The following CA10 variants were observed in gnomAD, a reference collection of about 807,000 sequenced individuals.
CA10 encodes the protein carbonic anhydrase 10 (inactive), also known as carbonic anhydrase-related protein 10.
CA10 carries 14 observed loss-of-function variants against 44.2 expected under a neutral mutation model. The observed-to-expected ratio is 0.32, with a 90% CI of 0.21 to 0.50. The LOEUF (loss-of-function observed/expected upper bound fraction) is 0.50. Among genes scored for constraint, CA10 ranks in the 20% least tolerant of loss-of-function variants. The probability of loss-of-function intolerance (pLI) is 0.99; values close to 1 mark genes in which losing one functional copy is unlikely to be tolerated. For synonymous variants in CA10, 159 were observed against 141.6 expected (o/e 1.12, Z -0.87); for missense variants, 350 against 409.7 (o/e 0.85, Z 1.26).
intron 6 of CA10, among the ~76,000 whole-genome samples, chr17:51,646,360 C>T (rs572887213): frequency 1.3e-5 from 2 of 152,226 alleles, no homozygotes; most frequent in Admixed American, 6.5e-5. Context: ...GGGCTCAGCA[C>T]GTTGCAGAGT....
intron 1 of CA10, among the ~76,000 whole-genome samples, chr17:52,116,714 T>C (rs1417185816): frequency 6.6e-6 from 1 of 152,212 alleles, no homozygotes; most frequent in Non-Finnish European, 1.5e-5. Flanking sequence ...GGCTTGGAGT[T>C]GAGCTCAGGG....
At chr17:51,699,999 T>TGAAGGTAAAG (rs112602632) in intron 4 of CA10, among the ~76,000 whole-genome samples, 1,936 of 152,304 alleles carry the variant, frequency 0.013, 56 homozygotes, top group African/African-American at 0.045. Context: ...ACATCAGAGA[T>TGAAGGTAAAG]GAAGGGAGAA....
chr17:51,665,834 A>G (rs1914186336), intron 4 of CA10, among the ~76,000 whole-genome samples: 1 of 152,252 alleles, frequency 6.6e-6, no homozygotes, highest in African/African-American at 2.4e-5. Flanking sequence ...GTTAGGTGGT[A>G]TGTGACTGTA....
chr17:52,050,253 T>A (rs1395162078), intron 2 of CA10, among the ~76,000 whole-genome samples: 2 of 151,780 alleles, frequency 1.3e-5, no homozygotes, highest in Non-Finnish European at 2.9e-5. Flanking sequence ...TCGTTGCTTT[T>A]TTTTCCCCCA....
chr17:51,813,768 G>C (rs1472149918), intron 3 of CA10, among the ~76,000 whole-genome samples: 1 of 152,116 alleles, frequency 6.6e-6, no homozygotes, highest in Non-Finnish European at 1.5e-5. Context: ...GGATATACCG[G>C]CTTTTCCAAC....
At chr17:51,970,477 A>AT (rs1240904776) in intron 2 of CA10, among the ~76,000 whole-genome samples, 7 of 152,070 alleles carry the variant, frequency 4.6e-5, no homozygotes, top group African/African-American at 1.7e-4. Flanking sequence ...CGTATTTTAA[A>AT]TTTTATTCTA....
chr17:51,834,134 T>A (rs1393193477), intron 3 of CA10, among the ~76,000 whole-genome samples: 3 of 152,224 alleles, frequency 2.0e-5, no homozygotes, highest in Non-Finnish European at 4.4e-5. Context: ...GAGGAATGGA[T>A]GCCTTGATGA....
intron 4 of CA10, 35 bp from the exon 5 acceptor site, chr17:51,653,771 A>T: frequency 8.0e-7 from 1 of 1,256,888 alleles, no homozygotes; most frequent in Non-Finnish European, 1.2e-6. Flanking sequence ...CAGAACAATA[A>T]TCCAACATTA....
chr17:51,967,426 G>A (rs1028475946), intron 2 of CA10, among the ~76,000 whole-genome samples: 16 of 151,324 alleles, frequency 1.1e-4, no homozygotes, highest in South Asian at 2.1e-4. Context: ...CAGCAAAGAC[G>A]TGAAATCAAC....
At chr17:51,884,042 C>G (rs960320871) in intron 3 of CA10, among the ~76,000 whole-genome samples, 22 of 152,304 alleles carry the variant, frequency 1.4e-4, no homozygotes, top group African/African-American at 4.6e-4. Flanking sequence ...ATCCTTGACC[C>G]TTCTTTTTTC....
chr17:51,869,059 C>A (rs1329293252), intron 3 of CA10, among the ~76,000 whole-genome samples: 1 of 151,726 alleles, frequency 6.6e-6, no homozygotes, highest in Non-Finnish European at 1.5e-5. Context: ...AATATATCAG[C>A]ATAGAAAGAT....
chr17:52,029,553 C>G (rs972772526), intron 2 of CA10, among the ~76,000 whole-genome samples: 1 of 148,324 alleles, frequency 6.7e-6, no homozygotes, highest in South Asian at 2.3e-4. Context: ...GAAGGTTGCT[C>G]AACCTCTCAA....
chr17:51,677,684 G>A (rs1235476635), intron 4 of CA10, among the ~76,000 whole-genome samples: 1 of 152,136 alleles, frequency 6.6e-6, no homozygotes, highest in Non-Finnish European at 1.5e-5. Context: ...AGAGAGAACT[G>A]TCATAAATTC....
At chr17:51,699,276 TCATGCCATTG>T (rs1262012184) in intron 4 of CA10, among the ~76,000 whole-genome samples, 1 of 150,868 alleles carries the variant, frequency 6.6e-6, no homozygotes, top group Non-Finnish European at 1.5e-5. Context: ...TGAGCCGAGA[TCATGCCATTG>T]CATGCCAGCC....
At chr17:51,765,548 C>G (rs574407712) in intron 3 of CA10, among the ~76,000 whole-genome samples, 1 of 152,272 alleles carries the variant, frequency 6.6e-6, no homozygotes, top group East Asian at 1.9e-4. Context: ...CAGATATTGT[C>G]TTTCAGGGAC....
chr17:52,158,880 C>A (rs1989880878), upstream of CA10, among the ~76,000 whole-genome samples: 1 of 152,086 alleles, frequency 6.6e-6, no homozygotes, highest in African/African-American at 2.4e-5. Flanking sequence ...GCCCGGCACC[C>A]GGGGGCGGAG....
intron 6 of CA10, among the ~76,000 whole-genome samples, 161 bp downstream of exon 6, chr17:51,649,021 G>T (rs1451763739): frequency 6.6e-6 from 1 of 151,958 alleles, no homozygotes; most frequent in East Asian, 1.9e-4. Context: ...GAAATGAGCT[G>T]CTTCTTAGCC....
At chr17:52,022,155 A>G (rs750333399) in intron 2 of CA10, among the ~76,000 whole-genome samples, 6 of 152,090 alleles carry the variant, frequency 3.9e-5, no homozygotes, top group Admixed American at 1.3e-4. Flanking sequence ...ATGATAAAAA[A>G]AGAAAACTAC....
chr17:52,045,796 C>T (rs1028897871), intron 2 of CA10, among the ~76,000 whole-genome samples: 1 of 151,960 alleles, frequency 6.6e-6, no homozygotes, highest in Non-Finnish European at 1.5e-5. Flanking sequence ...AATAACAGCA[C>T]TATATGCATT....
Sources: allele counts gnomAD v4.1 joint callset (sites outside exome capture counted in the v4.1 genomes callset), GRCh38; gene constraint gnomAD v4.1.1; transcripts MANE v1.5; gene names NCBI Gene and HGNC (gene_info 2026-07-23, HGNC 2026-07-21).